Variants in COL23A1 observed in about 807,000 individuals in gnomAD.
The protein encoded by COL23A1 is collagen type XXIII alpha 1 chain, also known as collagen alpha-1(XXIII) chain.
COL23A1 carries 97 observed loss-of-function variants against 99.3 expected under a neutral mutation model. The ratio of observed to expected loss-of-function variants is 0.98; its 90% CI spans 0.83 to 1.16. The LOEUF is 1.16. Among genes scored for constraint, COL23A1 ranks in the 50% most tolerant of loss-of-function variants. The probability of loss-of-function intolerance (pLI) is 0.00; values close to 1 mark genes in which losing one functional copy is unlikely to be tolerated. For synonymous variants in COL23A1, 320 were observed against 308.2 expected (o/e 1.04, Z -0.40); for missense variants, 762 against 757.4 (o/e 1.01, Z -0.07).
chr5:178,589,725 C>T lies in COL23A1; in HGVS notation c.294+179G>A, dbSNP rs1562119108. 6.6e-6 allele frequency among the ~76,000 whole-genome samples: 1 copy of T among 152,156 alleles called. No individual in the cohort carries two copies. The highest frequency in any genetic ancestry group is 6.5e-5 in the Admixed American group (1 of 15,286). On this transcript the variant is annotated intron_variant, in intron 1 of 28. Coordinates refer to ENST00000390654, the MANE Select transcript of COL23A1 (RefSeq NM_173465.4). This position sits in a 1 kb window ranked among gnomAD's most constrained non-coding sequence, Gnocchi z 5.4. ...CGGAGACCGCAAAACCCCTTGGGGC[C>T]GGCACCCCCTGCCTCCGCCTTGGCG...
intron 2 of COL23A1, among the ~76,000 whole-genome samples, chr5:178,372,292 C>T (rs1383716194): frequency 6.6e-6 from 1 of 152,244 alleles, no homozygotes; most frequent in African/African-American, 2.4e-5. Flanking sequence ...ACAATTTATA[C>T]ACTTGGCAGG....
At chr5:178,391,027 A>G (rs1021859361) in intron 2 of COL23A1, among the ~76,000 whole-genome samples, 1 of 152,262 alleles carries the variant, frequency 6.6e-6, no homozygotes, top group Admixed American at 6.5e-5. Flanking sequence ...CGGGCCTCAC[A>G]GCAGGAGGTG....
At chr5:178,275,415 C>T (rs1055877425) in intron 5 of COL23A1, among the ~76,000 whole-genome samples, 6 of 152,196 alleles carry the variant, frequency 3.9e-5, no homozygotes, top group Non-Finnish European at 7.3e-5. Context: ...CTCCCTCCCT[C>T]GGCCTGTCGC....
Position 178,468,448 on chromosome 5 carries a change from G to A in COL23A1, c.361+92234C>T, listed in dbSNP as rs73338659. 0.021 allele frequency among the ~76,000 whole-genome samples: 3,162 copies of A among 152,288 alleles called. 131 individuals carry two copies. Among genetic ancestry groups the A allele is most frequent in the African/African-American group, 0.072 (2,988 of 41,550 alleles). ...CAAGAATATCAACAACCACGGCTCC[G>A]TCTCCTGTGGGCTAGACACTGCCTG... On this transcript the variant is annotated intron_variant, in intron 2 of 28. Transcript: ENST00000390654. The surrounding 1 kb of genome is among the most constrained non-coding windows in gnomAD (Gnocchi z 4.2).
intron 27 of COL23A1, 84 bp from the exon 28 acceptor site, chr5:178,239,263 G>A: frequency 6.6e-7 from 1 of 1,505,252 alleles, no homozygotes. Context: ...GGTCTGTAGG[G>A]AGGTGCAGGC....
chr5:178,410,921 T>C (rs576110604), intron 2 of COL23A1, among the ~76,000 whole-genome samples: 4 of 152,270 alleles, frequency 2.6e-5, no homozygotes, highest in African/African-American at 7.2e-5. Context: ...TATAATCAAA[T>C]TAAAAAACGC....
At chr5:178,576,153 T>G (rs1267586332) in intron 1 of COL23A1, among the ~76,000 whole-genome samples, 3 of 152,172 alleles carry the variant, frequency 2.0e-5, no homozygotes, top group African/African-American at 2.4e-5. Context: ...GCGAAGGTAG[T>G]TTTTTCAAGC....
At chr5:178,319,593 T>C (rs1194538113) in intron 2 of COL23A1, among the ~76,000 whole-genome samples, 3 of 152,124 alleles carry the variant, frequency 2.0e-5, no homozygotes, top group Admixed American at 1.3e-4. Flanking sequence ...GCATGCAACA[T>C]GCGCCGTCCG....
Position 178,306,920 on chromosome 5 carries a change from C to A in COL23A1, c.362-1G>T. 1.3e-6 allele frequency: 2 copies of A among 1,529,252 alleles called. No individual in the cohort carries two copies. The highest frequency in any genetic ancestry group is 1.8e-6 in the Non-Finnish European group (2 of 1,137,838). 94.7% of individuals were successfully genotyped at this position (1,529,252 alleles called of 1,614,324 possible). ...GGCTTGCCGCGCCGTCCAGGGGGCC[C>A]TAGACAGGAAAACAAGAATGCATTC... On this transcript the variant is annotated splice_acceptor_variant, in intron 2 of 28. Transcript: ENST00000390654. LOFTEE classifies it high-confidence loss of function. This position sits in a 1 kb window ranked among gnomAD's most constrained non-coding sequence, Gnocchi z 4.1.
chr5:178,577,437 C>A (rs1043820361), intron 1 of COL23A1, among the ~76,000 whole-genome samples: 3 of 152,236 alleles, frequency 2.0e-5, no homozygotes. Context: ...GGGAAGGAGG[C>A]ACACGATTCA....
chr5:178,415,026 C>T lies in COL23A1; in HGVS notation c.362-108107G>A, dbSNP rs1037176380. On this transcript the variant is annotated intron_variant, in intron 2 of 28. Transcript: ENST00000390654. The surrounding 1 kb of genome is among the most constrained non-coding windows in gnomAD (Gnocchi z 4.6). ...CAAAATGCAGCTGCTGCTGACCTGC[C>T]TCTCTGCTTCCACAATAAGATGAGG... Among the ~76,000 whole-genome samples, 2 of 152,190 alleles carry T rather than the reference C, an allele frequency of 1.3e-5. No homozygotes were observed. Among genetic ancestry groups the T allele is most frequent in the African/African-American group, 4.8e-5 (2 of 41,432 alleles).
chr5:178,428,006 TG>T lies in COL23A1; in HGVS notation c.362-121088del, dbSNP rs556786302. On this transcript the variant is annotated intron_variant, in intron 2 of 28. Transcript: ENST00000390654. The surrounding 1 kb of genome is among the most constrained non-coding windows in gnomAD (Gnocchi z 5.0). The stretch of plus-strand genomic sequence containing the variant: ...TATTAATTCTAAGGAATGTACCCTC[TG>T]GTGGGGGATGTTGATCCCTGATCCA... Among the ~76,000 whole-genome samples the T allele has an allele frequency of 4.3e-4, 65 of 152,052 alleles. No homozygotes were observed. In the East Asian group the frequency reaches 0.013, roughly 30 times the overall value.
At chr5:178,420,434 CGCTCT>C (rs1383408678) in intron 2 of COL23A1, among the ~76,000 whole-genome samples, 1 of 76,400 alleles carries the variant, frequency 1.3e-5, no homozygotes, top group Non-Finnish European at 2.5e-5. Flanking sequence ...TCCCCTCCCC[CGCTCT>C]TTCCTCCTCC....
In COL23A1 at chr5:178,270,358, G is replaced by C. The variant is rs778771179; in HGVS notation, c.447C>G (p.Pro149=). 2 of 1,613,878 alleles carry C rather than the reference G, an allele frequency of 1.2e-6. No homozygotes were observed. The highest frequency in any genetic ancestry group is 1.7e-6 in the Non-Finnish European group (2 of 1,179,938). ...GQSGRDGYPG[P]LGLDGKPGLP... ...TTACGGGCTTGCCATCCAAACCCAGGGGTCCCTGGAAAACGAGAGAGAGAG... is the reference window on the plus strand; with the variant it reads ...TTACGGGCTTGCCATCCAAACCCAGCGGTCCCTGGAAAACGAGAGAGAGAG... Residue 149 remains proline, a synonymous_variant, in exon 6 of 29, where the codon CCC becomes CCG. Transcript: ENST00000390654.
chr5:178,398,576 G>A (rs1179689778), intron 2 of COL23A1, among the ~76,000 whole-genome samples: 1 of 152,186 alleles, frequency 6.6e-6, no homozygotes, highest in Non-Finnish European at 1.5e-5. Flanking sequence ...GCAGTGAGCT[G>A]AGATTGAGCC....
chr5:178,290,413 G>A (rs745613403), intron 3 of COL23A1, 44 bp from the exon 4 acceptor site: 6 of 1,611,070 alleles, frequency 3.7e-6, no homozygotes, highest in Non-Finnish European at 5.1e-6. Flanking sequence ...GTGGAAGGCA[G>A]AGTCCCCTCG....
At chr5:178,570,824 G>A (rs1420810921) in intron 1 of COL23A1, among the ~76,000 whole-genome samples, 6 of 152,114 alleles carry the variant, frequency 3.9e-5, no homozygotes, top group Non-Finnish European at 8.8e-5. Context: ...AAGGGAGGCC[G>A]AGGCAGTCAG....
At chr5:178,479,051 C>G (rs994122588) in intron 2 of COL23A1, among the ~76,000 whole-genome samples, 2 of 152,100 alleles carry the variant, frequency 1.3e-5, no homozygotes, top group Admixed American at 1.3e-4. Flanking sequence ...TGTGCCAGGG[C>G]AGCCATCTCA....
chr5:178,520,987 G>A (rs549419139), intron 2 of COL23A1, among the ~76,000 whole-genome samples: 27 of 152,184 alleles, frequency 1.8e-4, no homozygotes, highest in Non-Finnish European at 3.5e-4. Context: ...TTCATAGCAT[G>A]TACTTACACA....
Sources: allele counts gnomAD v4.1 joint callset (sites outside exome capture counted in the v4.1 genomes callset), GRCh38; gene constraint gnomAD v4.1.1; non-coding constraint Gnocchi (gnomAD v3.1); transcripts MANE v1.5; gene names NCBI Gene and HGNC (gene_info 2026-07-23, HGNC 2026-07-21).